PTPRM: variants seen among roughly 807,000 people sequenced by gnomAD.
The protein encoded by PTPRM is receptor-type tyrosine-protein phosphatase mu.
In PTPRM, 47 loss-of-function variants were observed where a neutral mutation model predicts 186.7. The ratio of observed to expected loss-of-function variants is 0.25; its 90% CI spans 0.20 to 0.32. The LOEUF is 0.32. Ranked by LOEUF, PTPRM falls within the 10% of genes least tolerant of loss-of-function variation. PTPRM has a pLI of 1.00. For missense variants in PTPRM, 1,494 were observed against 1,865.0 expected (o/e 0.80, Z 3.66); for synonymous variants, 668 against 674.9 (o/e 0.99, Z 0.16).
At position 8,213,457 on chromosome 18, in the gene PTPRM, G is replaced by T. The variant is rs911312621; in HGVS notation, c.2301-30601G>T. Among the ~76,000 whole-genome samples, 9 of 152,116 alleles carry T rather than the reference G, an allele frequency of 5.9e-5. No individual in the cohort carries two copies. In the South Asian group the frequency reaches 1.9e-3, roughly 32 times the overall value. ...TTGAATGGGTGAAACTTTAGGATGG[G>T]GATTAGTTAAATCATGCTATAAATT... On this transcript the variant is annotated intron_variant, in intron 14 of 32. Transcript: ENST00000580170.
chr18:7,854,345 G>T (rs1422300816), intron 2 of PTPRM, among the ~76,000 whole-genome samples: 1 of 151,998 alleles, frequency 6.6e-6, no homozygotes, highest in Non-Finnish European at 1.5e-5. Flanking sequence ...AAATAATGAG[G>T]ATCTAGTATA....
intron 20 of PTPRM, among the ~76,000 whole-genome samples, chr18:8,302,623 GA>G (rs2095171714): frequency 6.6e-6 from 1 of 152,098 alleles, no homozygotes; most frequent in East Asian, 1.9e-4. Flanking sequence ...TGGCTAGAAA[GA>G]AAATAAGTAG....
At chr18:8,134,042 C>A (rs968380604) in intron 13 of PTPRM, among the ~76,000 whole-genome samples, 3 of 152,128 alleles carry the variant, frequency 2.0e-5, no homozygotes, top group Non-Finnish European at 4.4e-5. Context: ...GATGACAATT[C>A]TTTAACCCAA....
chr18:7,707,550 G>T (rs892449237), intron 1 of PTPRM, among the ~76,000 whole-genome samples: 3 of 152,060 alleles, frequency 2.0e-5, no homozygotes, highest in African/African-American at 7.2e-5. Flanking sequence ...GAGGTGGGGG[G>T]ATTGCTTGAG....
chr18:7,713,632 T>C (rs1010534616), intron 1 of PTPRM, among the ~76,000 whole-genome samples: 36 of 150,370 alleles, frequency 2.4e-4, no homozygotes, highest in Admixed American at 2.7e-4. Context: ...ACCCATCTTA[T>C]GTGCAAAAAC....
intron 13 of PTPRM, among the ~76,000 whole-genome samples, chr18:8,127,669 C>T (rs2145899836): frequency 6.6e-6 from 1 of 152,226 alleles, no homozygotes; most frequent in East Asian, 1.9e-4. Flanking sequence ...ACCAAAGTTG[C>T]AGCTTTCTGT....
At chr18:8,051,803 CAT>C (rs2087520334) in intron 7 of PTPRM, among the ~76,000 whole-genome samples, 1 of 152,142 alleles carries the variant, frequency 6.6e-6, no homozygotes, top group South Asian at 2.1e-4. Context: ...CATTTCTGCA[CAT>C]GTCTCCTGGA....
At chr18:8,322,532 C>A (rs1165464254) in intron 22 of PTPRM, among the ~76,000 whole-genome samples, 1 of 152,154 alleles carries the variant, frequency 6.6e-6, no homozygotes, top group Admixed American at 6.5e-5. Context: ...TATGATTTAG[C>A]AAACCAGGAG....
At chr18:8,184,435 C>A (rs1375229318) in intron 14 of PTPRM, among the ~76,000 whole-genome samples, 1 of 152,158 alleles carries the variant, frequency 6.6e-6, no homozygotes, top group African/African-American at 2.4e-5. Context: ...CTTGGATACC[C>A]TGTCCTCTGT....
intron 31 of PTPRM, among the ~76,000 whole-genome samples, chr18:8,389,571 C>G (rs1032124614): frequency 6.6e-6 from 1 of 152,200 alleles, no homozygotes; most frequent in Non-Finnish European, 1.5e-5. Context: ...TTGGAATACT[C>G]CCCCCTCCCT....
intron 10 of PTPRM, among the ~76,000 whole-genome samples, chr18:8,087,736 G>A (rs1244278342): frequency 6.6e-6 from 1 of 152,088 alleles, no homozygotes; most frequent in Non-Finnish European, 1.5e-5. Flanking sequence ...TTCAATAAAT[G>A]GAACTCAGAA....
At chr18:8,232,536 T>G (rs1449382935) in intron 14 of PTPRM, among the ~76,000 whole-genome samples, 1 of 152,188 alleles carries the variant, frequency 6.6e-6, no homozygotes, top group Non-Finnish European at 1.5e-5. Context: ...CTGTTTTTCT[T>G]TTTTTTGAGA....
At chr18:7,988,488 A>G (rs1392760474) in intron 7 of PTPRM, among the ~76,000 whole-genome samples, 25 of 152,184 alleles carry the variant, frequency 1.6e-4, no homozygotes, top group Admixed American at 1.6e-3. Flanking sequence ...AATATTGTGT[A>G]ACTGTCACCA....
At chr18:7,831,852 T>C (rs1415228135) in intron 2 of PTPRM, among the ~76,000 whole-genome samples, 1 of 152,164 alleles carries the variant, frequency 6.6e-6, no homozygotes, top group African/African-American at 2.4e-5. Flanking sequence ...ATTTTTAGAT[T>C]CCACAAATAA....
chr18:8,169,570 GA>G (rs1254761717), intron 14 of PTPRM, among the ~76,000 whole-genome samples: 1 of 152,008 alleles, frequency 6.6e-6, no homozygotes, highest in African/African-American at 2.4e-5. Flanking sequence ...TAACAAGGAA[GA>G]AAAAAACCTT....
At position 7,667,264 on chromosome 18, in the gene PTPRM, A is replaced by G. The variant is rs538112725; in HGVS notation, c.73+99373A>G. ...AGCAGCAGGAAAAATGCGGAGGACCACTCAGGTCTAGATAGAATCAGTGTT... is the reference window on the plus strand; with the variant it reads ...AGCAGCAGGAAAAATGCGGAGGACCGCTCAGGTCTAGATAGAATCAGTGTT... On this transcript the variant is annotated intron_variant, in intron 1 of 32. Coordinates refer to ENST00000580170, the MANE Select transcript of PTPRM (RefSeq NM_001105244.2). Among the ~76,000 whole-genome samples the G allele has an allele frequency of 5.9e-5, 9 of 152,326 alleles. No homozygotes were observed. The South Asian group carries it at 1.2e-3, about 21-fold the overall frequency.
intron 23 of PTPRM, among the ~76,000 whole-genome samples, chr18:8,363,379 A>G (rs941823009): frequency 3.3e-5 from 5 of 152,336 alleles, no homozygotes; most frequent in Admixed American, 1.3e-4. Flanking sequence ...ACAAAGTCGT[A>G]GATCTATACT....
chr18:8,384,868 A>C (rs2095761727), intron 30 of PTPRM, among the ~76,000 whole-genome samples, 182 bp downstream of exon 30: 1 of 152,230 alleles, frequency 6.6e-6, no homozygotes, highest in African/African-American at 2.4e-5. Context: ...AGTATTTAGA[A>C]AGTAATGATA....
intron 5 of PTPRM, among the ~76,000 whole-genome samples, chr18:7,942,117 T>C (rs1432891217): frequency 6.6e-6 from 1 of 152,012 alleles, no homozygotes; most frequent in Admixed American, 6.6e-5. Flanking sequence ...ACCCTGTGTC[T>C]ACTCTAAATA....
Sources: allele counts gnomAD v4.1 joint callset (sites outside exome capture counted in the v4.1 genomes callset), GRCh38; gene constraint gnomAD v4.1.1; transcripts MANE v1.5; gene names NCBI Gene and HGNC (gene_info 2026-07-23, HGNC 2026-07-21).